DEPDC1B: variants seen among roughly 807,000 people sequenced by gnomAD.
DEPDC1B encodes the protein DEP domain containing 1B.
DEPDC1B carries 51 observed loss-of-function variants against 66.5 expected under a neutral mutation model. The observed-to-expected ratio is 0.77, with a 90% confidence interval of 0.61 to 0.97. The LOEUF is 0.97. Ranked by LOEUF, DEPDC1B falls within the 50% of genes least tolerant of loss-of-function variation. The probability of loss-of-function intolerance (pLI) is 0.00; values close to 1 mark genes in which losing one functional copy is unlikely to be tolerated. For synonymous variants in DEPDC1B, 226 were observed against 223.6 expected, an observed-to-expected ratio of 1.01 and a Z score of -0.10; for missense variants, 552 against 637.1, an observed-to-expected ratio of 0.87 and a Z score of 1.44.
At chr5:60,613,091 G>A (rs966822085) in intron 7 of DEPDC1B, among the ~76,000 whole-genome samples, 1 of 152,028 alleles carries the variant, frequency 6.6e-6, no homozygotes, top group East Asian at 1.9e-4. Flanking sequence ...TCTCTAAATC[G>A]ATTTGAAGGC....
rs78011653 is a variant in DEPDC1B, at chr5:60,609,510, G to A, written c.899-3654C>T. On this transcript the variant is annotated intron_variant, in intron 7 of 10. Transcript: ENST00000265036. ...TCTCTGCCGCACAATATTGGATAAT[G>A]TGGAAGGAGAGGGAGTTGCTTACTC... Among the ~76,000 whole-genome samples, 551 of 152,318 alleles carry A rather than the reference G, an allele frequency of 3.6e-3. 5 individuals carry two copies. Among genetic ancestry groups the A allele is most frequent in the African/African-American group, 0.013 (525 of 41,564 alleles).
intron 7 of DEPDC1B, among the ~76,000 whole-genome samples, chr5:60,623,230 C>A (rs1263655273): frequency 6.6e-6 from 1 of 152,156 alleles, no homozygotes; most frequent in Non-Finnish European, 1.5e-5. Flanking sequence ...CAACACTACC[C>A]TGAAAAGATG....
intron 2 of DEPDC1B, among the ~76,000 whole-genome samples, chr5:60,682,985 C>T (rs543018937): frequency 1.3e-5 from 2 of 151,692 alleles, no homozygotes; most frequent in Non-Finnish European, 2.9e-5. Flanking sequence ...AAAGATACAA[C>T]AAAAAAAGAA....
chr5:60,603,126 G>A (rs1418749860), intron 9 of DEPDC1B, among the ~76,000 whole-genome samples: 1 of 152,180 alleles, frequency 6.6e-6, no homozygotes, highest in Non-Finnish European at 1.5e-5. Flanking sequence ...GTAGGTGTAT[G>A]TAGATTCTAA....
intron 1 of DEPDC1B, among the ~76,000 whole-genome samples, chr5:60,687,511 T>C (rs1754448248): frequency 6.6e-6 from 1 of 151,712 alleles, no homozygotes; most frequent in East Asian, 1.9e-4. Context: ...TATTTTACCA[T>C]AATTAAAACA....
intron 7 of DEPDC1B, among the ~76,000 whole-genome samples, chr5:60,607,428 A>G (rs761826891): frequency 6.6e-6 from 1 of 152,218 alleles, no homozygotes; most frequent in Non-Finnish European, 1.5e-5. Flanking sequence ...TGGAAAGAAA[A>G]AAGGTTTATG....
chr5:60,677,330 T>A (rs764381911), intron 2 of DEPDC1B, among the ~76,000 whole-genome samples: 4,144 of 72,372 alleles, frequency 0.057, 96 homozygotes, highest in African/African-American at 0.11. Context: ...ACACACACTC[T>A]CTCTCTCTCT....
intron 7 of DEPDC1B, among the ~76,000 whole-genome samples, chr5:60,609,712 T>C (rs1295599230): frequency 1.3e-5 from 2 of 152,188 alleles, no homozygotes; most frequent in Non-Finnish European, 2.9e-5. Context: ...CTCTGTAAGT[T>C]GATCTTGTAA....
At position 60,623,172 on chromosome 5, in the gene DEPDC1B, T is replaced by C. The variant is rs145365961; in HGVS notation, c.898+15578A>G. On this transcript the variant is annotated intron_variant, in intron 7 of 10. Coordinates refer to ENST00000265036, the MANE Select transcript of DEPDC1B (RefSeq NM_018369.3). Reference sequence around the variant, plus strand: ...CAAAGTAAAATTTGAGTGCATACAGTATACAGTATAAAGGTTCACTTTTTC... The same window carrying C: ...CAAAGTAAAATTTGAGTGCATACAGCATACAGTATAAAGGTTCACTTTTTC... 3.7e-3 allele frequency among the ~76,000 whole-genome samples: 561 copies of C among 152,268 alleles called. 4 individuals carry two copies. The highest frequency in any genetic ancestry group is 0.024 in the East Asian group (124 of 5,192).
At chr5:60,619,518 A>T (rs1752650702) in intron 7 of DEPDC1B, among the ~76,000 whole-genome samples, 1 of 152,250 alleles carries the variant, frequency 6.6e-6, no homozygotes, top group Admixed American at 6.5e-5. Flanking sequence ...GAGCCAAATC[A>T]CGAGTGAACT....
intron 2 of DEPDC1B, among the ~76,000 whole-genome samples, chr5:60,662,198 C>T (rs935789258): frequency 6.6e-5 from 10 of 151,896 alleles, no homozygotes; most frequent in Non-Finnish European, 1.3e-4. Context: ...ACCATCCTGG[C>T]TAACACAGTG....
At chr5:60,681,100 T>C (rs1385475413) in intron 2 of DEPDC1B, among the ~76,000 whole-genome samples, 1 of 152,172 alleles carries the variant, frequency 6.6e-6, no homozygotes, top group Non-Finnish European at 1.5e-5. Flanking sequence ...GAACATTAGT[T>C]CCTTCCTTTC....
At chr5:60,651,308 G>T (rs1753445379) in intron 2 of DEPDC1B, among the ~76,000 whole-genome samples, 1 of 152,032 alleles carries the variant, frequency 6.6e-6, no homozygotes, top group Non-Finnish European at 1.5e-5. Context: ...TGGGTGGATT[G>T]TCTGAGGTCA....
intron 9 of DEPDC1B, among the ~76,000 whole-genome samples, chr5:60,600,541 C>A (rs1470934837): frequency 6.6e-6 from 1 of 152,098 alleles, no homozygotes; most frequent in African/African-American, 2.4e-5. Flanking sequence ...GGCTTAGGAG[C>A]CTAATCAAAA....
At chr5:60,666,743 G>T (rs1271337139) in intron 2 of DEPDC1B, among the ~76,000 whole-genome samples, 2 of 152,076 alleles carry the variant, frequency 1.3e-5, no homozygotes, top group Non-Finnish European at 2.9e-5. Context: ...GTGTTGGTTG[G>T]CCTCCAGCCC....
intron 7 of DEPDC1B, among the ~76,000 whole-genome samples, chr5:60,611,680 C>A (rs1752416596): frequency 6.6e-6 from 1 of 152,238 alleles, no homozygotes; most frequent in African/African-American, 2.4e-5. Context: ...CACAACATTT[C>A]TTTAAGCCCC....
chr5:60,646,721 C>T (rs771920489), intron 3 of DEPDC1B, among the ~76,000 whole-genome samples: 28 of 152,194 alleles, frequency 1.8e-4, no homozygotes, highest in Non-Finnish European at 3.5e-4. Flanking sequence ...AGGAGGTAAG[C>T]GTTGGGCAAG....
intron 2 of DEPDC1B, among the ~76,000 whole-genome samples, chr5:60,670,360 C>T (rs962206599): frequency 6.6e-6 from 1 of 152,006 alleles, no homozygotes; most frequent in Non-Finnish European, 1.5e-5. Context: ...GGCAACAGAG[C>T]GAGACTCCGT....
intron 3 of DEPDC1B, 133 bp from the exon 4 acceptor site, chr5:60,645,752 A>G (rs1753301424): frequency 3.2e-6 from 3 of 936,662 alleles, no homozygotes; most frequent in Admixed American, 6.8e-5. Flanking sequence ...TTGATTTAAA[A>G]TAATAATTAG....
Sources: gnomAD v4.1 joint callset for allele counts (sites outside exome capture counted in the v4.1 genomes callset) on GRCh38, gnomAD v4.1.1 for gene constraint, MANE v1.5 for transcripts, NCBI Gene and HGNC (gene_info 2026-07-23, HGNC 2026-07-21) for gene names.